Variants in ALDH1L2 observed in about 807,000 individuals in gnomAD.
The protein encoded by ALDH1L2 is mitochondrial 10-formyltetrahydrofolate dehydrogenase.
In ALDH1L2, 91 loss-of-function variants were observed where a neutral mutation model predicts 111.0. The observed-to-expected ratio is 0.82, with a 90% CI of 0.69 to 0.98. ALDH1L2 has a LOEUF of 0.98. ALDH1L2 is among the 50% of genes least tolerant of loss of function. The pLI is 0.00. For synonymous variants in ALDH1L2, 374 were observed against 392.6 expected, an observed-to-expected ratio of 0.95 and a Z score of 0.56; for missense variants, 995 against 1,126.8, an observed-to-expected ratio of 0.88 and a Z score of 1.67.
chr12:105,072,547 T>C (rs1257373034), intron 2 of ALDH1L2: 1 of 152,170 alleles, frequency 6.6e-6, no homozygotes, highest in Non-Finnish European at 1.5e-5. Flanking sequence ...TCAAAAAACT[T>C]AACTCATATG....
chr12:105,033,469 G>T (rs1305656383), intron 19 of ALDH1L2, among the ~76,000 whole-genome samples: 1 of 152,110 alleles, frequency 6.6e-6, no homozygotes, highest in Non-Finnish European at 1.5e-5. Context: ...CCATCTGCCT[G>T]TCTATATGAC....
chr12:105,032,630 A>G (rs1026879390), intron 19 of ALDH1L2, among the ~76,000 whole-genome samples: 8 of 152,328 alleles, frequency 5.3e-5, no homozygotes, highest in Middle Eastern at 3.4e-3. Context: ...AAGTGCACCC[A>G]ACCACTAAAT....
At chr12:105,039,836 A>C in intron 16 of ALDH1L2, 30 bp from the exon 17 acceptor site, 1 of 1,603,242 alleles carries the variant, frequency 6.2e-7, no homozygotes, top group South Asian at 1.1e-5. Flanking sequence ...AACGGGAATT[A>C]AAACATACTC....
At chr12:105,083,257 C>A (rs1878412188) in intron 1 of ALDH1L2, among the ~76,000 whole-genome samples, 1 of 152,194 alleles carries the variant, frequency 6.6e-6, no homozygotes, top group South Asian at 2.1e-4. Context: ...TCCCATGTGC[C>A]ACGTGGTGGG....
chr12:105,052,040 T>A (rs1876306943), intron 12 of ALDH1L2, 50 bp downstream of exon 12: 2 of 1,446,026 alleles, frequency 1.4e-6, no homozygotes, highest in Middle Eastern at 2.2e-4. Context: ...AACCCCTGTC[T>A]CTACCAGAGT....
intron 2 of ALDH1L2, among the ~76,000 whole-genome samples, chr12:105,071,442 G>C (rs1325950474): frequency 1.3e-5 from 2 of 151,508 alleles, no homozygotes; most frequent in East Asian, 3.9e-4. Flanking sequence ...GAAGAGCGCT[G>C]TCCCCTCCCA....
chr12:105,058,807 C>T (rs1055360354), intron 9 of ALDH1L2, among the ~76,000 whole-genome samples: 3 of 152,078 alleles, frequency 2.0e-5, no homozygotes, highest in Non-Finnish European at 4.4e-5. Flanking sequence ...GTACGAGGTA[C>T]AGTGTAGAAA....
intron 3 of ALDH1L2, 62 bp from the exon 4 acceptor site, chr12:105,068,946 G>T: frequency 7.6e-7 from 1 of 1,318,030 alleles, no homozygotes; most frequent in Non-Finnish European, 1.0e-6. Flanking sequence ...TGATGAATTA[G>T]TGATATTAAA....
In ALDH1L2 at chr12:105,073,952, T is replaced by C. The variant is rs1427616464; in HGVS notation, c.102A>G (p.Gly34=). ...KLALIGQSLF[G]QEVYSHLRKE... is the part of the protein sequence containing the mutation. Reference sequence around the variant, plus strand: ...TGCGGAGGTGGCTATAGACTTCTTGTCCAAAGAGGCTCTGGCCAATTAGTG... The same window carrying C: ...TGCGGAGGTGGCTATAGACTTCTTGCCCAAAGAGGCTCTGGCCAATTAGTG... Residue 34 remains glycine (G), a synonymous_variant, in exon 2 of 23, where the codon GGA becomes GGG. Coordinates refer to ENST00000258494, the MANE Select transcript of ALDH1L2 (RefSeq NM_001034173.4). The C allele has an allele frequency of 6.2e-7, 1 of 1,614,050 alleles. No homozygotes were observed. Among genetic ancestry groups the C allele is most frequent in the Non-Finnish European group, 8.5e-7 (1 of 1,180,036 alleles).
chr12:105,074,203 A>G (rs963275918), intron 1 of ALDH1L2, 198 bp from the exon 2 acceptor site: 1 of 582,648 alleles, frequency 1.7e-6, no homozygotes, highest in East Asian at 3.6e-5. Flanking sequence ...CACGCTTATA[A>G]TCCCAGCACT....
chr12:105,026,408 G>T (rs912038518), intron 22 of ALDH1L2, 137 bp downstream of exon 22: 1 of 877,350 alleles, frequency 1.1e-6, no homozygotes, highest in Non-Finnish European at 1.7e-6. Context: ...TTTAAAAAAC[G>T]AATGCCCTTC....
intron 15 of ALDH1L2, among the ~76,000 whole-genome samples, chr12:105,046,476 G>A (rs554551843): frequency 6.6e-6 from 1 of 151,544 alleles, no homozygotes; most frequent in South Asian, 2.1e-4. Flanking sequence ...CTTCACTGAT[G>A]TGCACCATGC....
intron 17 of ALDH1L2, among the ~76,000 whole-genome samples, chr12:105,039,247 G>A (rs1656461125): frequency 6.6e-6 from 1 of 151,424 alleles, no homozygotes; most frequent in Non-Finnish European, 1.5e-5. Context: ...GAACATGACT[G>A]CACAGTGTTC....
At chr12:105,024,838 CTCTTT>C (rs1413123899) in intron 22 of ALDH1L2, among the ~76,000 whole-genome samples, 1 of 152,214 alleles carries the variant, frequency 6.6e-6, no homozygotes, top group East Asian at 1.9e-4. Flanking sequence ...CAAAACCCTT[CTCTTT>C]TATTTCCCTA....
chr12:105,046,179 CTCTCTCTCTCTCTCTATATATA>C lies in ALDH1L2; in HGVS notation c.1863+509_1863+530del, dbSNP rs1467232338. 4.6e-4 allele frequency among the ~76,000 whole-genome samples: 12 copies of C among 26,110 alleles called. No individual in the cohort carries two copies. The East Asian group carries it at 0.011, about 24-fold the overall frequency. 17.1% of individuals were successfully genotyped at this position (26,110 alleles called of 152,430 possible). ...TCTCTCTCTCTCTCTCTCTCTCTCTCTCTCTCTCTCTCTCTATATATATATATATATATATATATATATTTTT... is the reference window on the plus strand; with the variant it reads ...TCTCTCTCTCTCTCTCTCTCTCTCTCTATATATATATATATATATATTTTT... On this transcript the variant is annotated intron_variant, in intron 15 of 22. Coordinates refer to ENST00000258494, the MANE Select transcript of ALDH1L2 (RefSeq NM_001034173.4).
At chr12:105,036,294 T>A (rs192651903) in intron 18 of ALDH1L2, among the ~76,000 whole-genome samples, 2 of 44,894 alleles carry the variant, frequency 4.5e-5, no homozygotes, top group Non-Finnish European at 6.7e-5. Context: ...GTGTATATAT[T>A]ATATATATAC....
chr12:105,048,152 A>G (rs1361081704), intron 13 of ALDH1L2: 1 of 152,342 alleles, frequency 6.6e-6, no homozygotes, highest in East Asian at 1.9e-4. Context: ...CAAACCTGCT[A>G]TGTTGCAGAC....
chr12:105,055,866 G>C (rs1876592486), intron 10 of ALDH1L2, among the ~76,000 whole-genome samples: 1 of 151,974 alleles, frequency 6.6e-6, no homozygotes, highest in South Asian at 2.1e-4. Context: ...CAACAGGAAG[G>C]AATAAGAATA....
At chr12:105,039,095 C>T (rs749795645) in intron 17 of ALDH1L2, among the ~76,000 whole-genome samples, 1 of 152,172 alleles carries the variant, frequency 6.6e-6, no homozygotes, top group Admixed American at 6.5e-5. Context: ...TTTTGATATA[C>T]TACCTATTTG....
Sources: allele counts gnomAD v4.1 joint callset (sites outside exome capture counted in the v4.1 genomes callset), GRCh38; gene constraint gnomAD v4.1.1; transcripts MANE v1.5; gene names NCBI Gene and HGNC (gene_info 2026-07-23, HGNC 2026-07-21).